The following NRIP1 variants were observed in gnomAD, a reference collection of about 807,000 sequenced individuals.
NRIP1 encodes the protein nuclear receptor-interacting protein 1.
In NRIP1, 28 loss-of-function variants were observed where a neutral mutation model predicts 75.0. That is an observed-to-expected ratio of 0.37 (90% CI 0.28 to 0.51). The LOEUF is 0.51. Ranked by LOEUF, NRIP1 falls within the 20% of genes least tolerant of loss-of-function variation. NRIP1 has a pLI of 0.92. For missense variants in NRIP1, 1,435 were observed against 1,343.7 expected (o/e 1.07, Z -1.06); for synonymous variants, 526 against 487.6 (o/e 1.08, Z -1.04).
At position 15,041,426 on chromosome 21, in the gene NRIP1, T is replaced by C. The variant is rs551077997; in HGVS notation, c.-458+2069A>G. On this transcript the variant is annotated intron_variant, in intron 2 of 3. Coordinates refer to ENST00000318948, the MANE Select transcript of NRIP1 (RefSeq NM_003489.4). ...ATACTTACATAAACAACAATCAAGC[T>C]AGCAAATAAGGGTGTCTATTTGATT... 5.9e-5 allele frequency among the ~76,000 whole-genome samples: 9 copies of C among 152,262 alleles called. No homozygotes were observed. In the South Asian group the frequency reaches 1.2e-3, roughly 21 times the overall value.
chr21:15,065,523 C>T (rs551428235), upstream of NRIP1, among the ~76,000 whole-genome samples: 13 of 152,302 alleles, frequency 8.5e-5, no homozygotes, highest in African/African-American at 2.6e-4. Context: ...CTACCTCCTC[C>T]CCTTCACCCC....
chr21:14,983,236 G>T (rs2087296101), intron 3 of NRIP1, among the ~76,000 whole-genome samples: 1 of 151,694 alleles, frequency 6.6e-6, no homozygotes, highest in Non-Finnish European at 1.5e-5. Flanking sequence ...AATTATTGTA[G>T]GAAATTAAAA....
chr21:14,976,518 C>G (rs907695345), intron 3 of NRIP1, among the ~76,000 whole-genome samples: 2 of 152,042 alleles, frequency 1.3e-5, no homozygotes, highest in Admixed American at 6.6e-5. Flanking sequence ...AAATAAAAGA[C>G]AGTAGTAAAT....
rs1465323027 is a variant in NRIP1, at chr21:14,962,255, T to G, written c.*2461A>C. The G allele has an allele frequency of 1.3e-5, 2 of 151,902 alleles. No individual in the cohort carries two copies. Among genetic ancestry groups the G allele is most frequent in the African/African-American group, 4.8e-5 (2 of 41,418 alleles). 9.4% of individuals were successfully genotyped at this position (151,902 alleles called of 1,614,324 possible). A position where few individuals can be genotyped will look rare whatever the true frequency, so the allele number is the denominator to read the frequency against. On this transcript the variant is annotated 3_prime_UTR_variant, in exon 4 of 4. Coordinates refer to ENST00000318948, the MANE Select transcript of NRIP1 (RefSeq NM_003489.4). ...TGCATAAACAAAGTGAATCTGTGGATGTATGCCCTTTCTCACTGTTCTTTA... is the reference window on the plus strand; with the variant it reads ...TGCATAAACAAAGTGAATCTGTGGAGGTATGCCCTTTCTCACTGTTCTTTA...
intron 2 of NRIP1, among the ~76,000 whole-genome samples, chr21:15,026,083 C>T (rs1600889393): frequency 6.6e-6 from 1 of 152,268 alleles, no homozygotes; most frequent in South Asian, 2.1e-4. Flanking sequence ...GAAACACACA[C>T]TTGTTTATTC....
intron 1 of NRIP1, among the ~76,000 whole-genome samples, chr21:15,048,813 T>C (rs2089141948): frequency 6.6e-6 from 1 of 152,180 alleles, no homozygotes; most frequent in South Asian, 2.1e-4. Context: ...GGTCACAGAA[T>C]ACAAAAAAGT....
At chr21:15,058,806 C>T (rs1006296937) in intron 1 of NRIP1, among the ~76,000 whole-genome samples, 3 of 152,122 alleles carry the variant, frequency 2.0e-5, no homozygotes, top group Non-Finnish European at 4.4e-5. Context: ...AAACATGTAA[C>T]TATAAGGAAA....
chr21:14,966,095 C>T lies in NRIP1; in HGVS notation c.2098G>A (p.Gly700Ser). Reference protein sequence around the residue: ...QPTGPEPGLSGSEIENLLERR... With the variant: ...QPTGPEPGLSSSEIENLLERR... ...TCAAGCAGATTTTCTATTTCAGAAC[C>T]AGAAAGCCCTGGTTCAGGACCTGTT... is the stretch of plus-strand genomic sequence containing the variant. The change falls in exon 4 of 4, where the codon GGT (glycine) becomes AGT (serine). Residue 700 changes from glycine to serine, a missense_variant. Coordinates refer to ENST00000318948, the MANE Select transcript of NRIP1 (RefSeq NM_003489.4). 1 of 1,612,256 alleles carries T rather than the reference C, an allele frequency of 6.2e-7. No individual in the cohort carries two copies. The highest frequency in any genetic ancestry group is 1.7e-5 in the Admixed American group (1 of 59,960).
intron 3 of NRIP1, among the ~76,000 whole-genome samples, chr21:15,004,489 C>A (rs1296143831): frequency 6.6e-6 from 1 of 152,330 alleles, no homozygotes; most frequent in East Asian, 1.9e-4. Flanking sequence ...CATTAAGTCT[C>A]AAGCACAGAA....
chr21:15,019,159 C>T (rs1164499690), intron 2 of NRIP1, among the ~76,000 whole-genome samples: 2 of 147,890 alleles, frequency 1.4e-5, no homozygotes, highest in African/African-American at 4.9e-5. Context: ...TATATAATTA[C>T]TATATTAATT....
In NRIP1 at chr21:14,965,594, C is replaced by G. The variant is rs554495028; in HGVS notation, c.2599G>C (p.Glu867Gln). The G allele has an allele frequency of 1.1e-5, 17 of 1,613,986 alleles. No individual in the cohort carries two copies. In the South Asian group the frequency reaches 1.9e-4, roughly 18 times the overall value. The change falls in exon 4 of 4, where the codon GAA (glutamate) becomes CAA (glutamine). Residue 867 changes from glutamate to glutamine, a missense_variant. Coordinates refer to ENST00000318948, the MANE Select transcript of NRIP1 (RefSeq NM_003489.4). The stretch of plus-strand genomic sequence containing the variant: ...TTTTTCATCTTTTTAAATGGATTTT[C>G]TAATGGCTCAGTATAAAGCTTCCTT... Reference protein sequence around the residue: ...KKRKLYTEPLENPFKKMKNNI... With the variant: ...KKRKLYTEPLQNPFKKMKNNI...
intron 3 of NRIP1, among the ~76,000 whole-genome samples, chr21:14,995,478 T>C (rs756532905): frequency 2.0e-5 from 3 of 152,180 alleles, no homozygotes; most frequent in Non-Finnish European, 4.4e-5. Context: ...CACAAAATAT[T>C]ATGAAATGTA....
Position 15,046,577 on chromosome 21 carries a change from A to T in NRIP1, c.-537-3003T>A, listed in dbSNP as rs148791247. Among the ~76,000 whole-genome samples the T allele has an allele frequency of 1.6e-3, 248 of 152,286 alleles. 1 individual carries two copies. The highest frequency in any genetic ancestry group is 5.8e-3 in the African/African-American group (243 of 41,554). Reference sequence around the variant, plus strand: ...ATGGCCAAACATTGGTTTCCACTTCAAGTCACCAGCTGTATTATCCACTAA... The same window carrying T: ...ATGGCCAAACATTGGTTTCCACTTCTAGTCACCAGCTGTATTATCCACTAA... On this transcript the variant is annotated intron_variant, in intron 1 of 3. Coordinates refer to ENST00000318948, the MANE Select transcript of NRIP1 (RefSeq NM_003489.4).
chr21:15,044,877 C>CA (rs1014371232), intron 1 of NRIP1, among the ~76,000 whole-genome samples: 2 of 152,150 alleles, frequency 1.3e-5, no homozygotes, highest in African/African-American at 4.8e-5. Context: ...CAATACCCAG[C>CA]ATGGTGCAAG....
chr21:15,000,176 G>T (rs1194367326), intron 3 of NRIP1, among the ~76,000 whole-genome samples: 1 of 152,168 alleles, frequency 6.6e-6, no homozygotes, highest in African/African-American at 2.4e-5. Context: ...ACACCATTCA[G>T]AGAGATTCCT....
chr21:15,033,391 C>T (rs781550669), intron 2 of NRIP1, among the ~76,000 whole-genome samples: 12 of 152,052 alleles, frequency 7.9e-5, no homozygotes, highest in Non-Finnish European at 1.5e-4. Flanking sequence ...TGCCCACAGT[C>T]AACAATAGTA....
intron 2 of NRIP1, among the ~76,000 whole-genome samples, chr21:15,014,696 G>A (rs2088184434): frequency 6.6e-6 from 1 of 152,032 alleles, no homozygotes; most frequent in African/African-American, 2.4e-5. Context: ...AACAAAATAA[G>A]CTGTGAAAAA....
intron 3 of NRIP1, chr21:15,002,353 G>A (rs773962546): frequency 2.6e-5 from 4 of 152,172 alleles, no homozygotes; most frequent in Non-Finnish European, 5.9e-5. Flanking sequence ...TATGTCTTCT[G>A]CTGAGATAAC....
At chr21:15,036,386 G>A (rs147965132) in intron 2 of NRIP1, among the ~76,000 whole-genome samples, 9 of 152,228 alleles carry the variant, frequency 5.9e-5, no homozygotes, top group Non-Finnish European at 8.8e-5. Context: ...CTACTACTCC[G>A]TGTCACCAAC....
Sources: gnomAD v4.1 joint callset for allele counts (sites outside exome capture counted in the v4.1 genomes callset) on GRCh38, gnomAD v4.1.1 for gene constraint, MANE v1.5 for transcripts, NCBI Gene and HGNC (gene_info 2026-07-23, HGNC 2026-07-21) for gene names.